The following FBXO47 variants were observed in gnomAD, a reference collection of about 807,000 sequenced individuals.
FBXO47 encodes F-box protein 47, also known as F-box only protein 47.
A neutral mutation model predicts 53.9 loss-of-function variants in FBXO47; 34 were observed. That is an observed-to-expected ratio of 0.63 (90% CI 0.48 to 0.84). The LOEUF is 0.84. Among genes scored for constraint, FBXO47 ranks in the 40% least tolerant of loss-of-function variants. FBXO47 has a pLI of 0.00. For synonymous variants in FBXO47, 165 were observed against 181.6 expected, an observed-to-expected ratio of 0.91 and a Z score of 0.73; for missense variants, 485 against 541.3, an observed-to-expected ratio of 0.90 and a Z score of 1.03.
At chr17:38,949,729 A>G (rs78523330) in intron 6 of FBXO47, among the ~76,000 whole-genome samples, 3,654 of 152,250 alleles carry the variant, frequency 0.024, 73 homozygotes, top group Middle Eastern at 0.044. Flanking sequence ...GTGAAATGGT[A>G]TATTACTATT....
chr17:38,965,753 C>T (rs1323702958), intron 1 of FBXO47, among the ~76,000 whole-genome samples: 1 of 135,972 alleles, frequency 7.4e-6, no homozygotes, highest in Non-Finnish European at 1.6e-5. Flanking sequence ...CATGGTGGCA[C>T]GCGACTGTAG....
chr17:38,966,194 A>G (rs1258342026), intron 1 of FBXO47, among the ~76,000 whole-genome samples: 1 of 152,026 alleles, frequency 6.6e-6, no homozygotes, highest in African/African-American at 2.4e-5. Context: ...TTAACTTTTC[A>G]CAGTAGGCGT....
At chr17:38,949,583 G>T (rs1905123588) in intron 6 of FBXO47, among the ~76,000 whole-genome samples, 1 of 152,144 alleles carries the variant, frequency 6.6e-6, no homozygotes, top group South Asian at 2.1e-4. Context: ...AATCATTTGA[G>T]AAACTGTCAG....
intron 6 of FBXO47, among the ~76,000 whole-genome samples, chr17:38,946,293 TA>T (rs1250829691): frequency 2.5e-4 from 22 of 87,278 alleles, no homozygotes; most frequent in East Asian, 9.9e-4. Context: ...TATAAATATA[TA>T]AAAATATATA....
At chr17:38,946,382 A>C (rs189347976) in intron 6 of FBXO47, among the ~76,000 whole-genome samples, 13,634 of 84,866 alleles carry the variant, frequency 0.16, 1,439 homozygotes, top group African/African-American at 0.3. Context: ...ATATATATAA[A>C]TATATATATC....
intron 1 of FBXO47, among the ~76,000 whole-genome samples, chr17:38,965,016 A>G (rs1598151693): frequency 6.6e-6 from 1 of 152,038 alleles, no homozygotes; most frequent in East Asian, 1.9e-4. Flanking sequence ...CACTCAGCTA[A>G]TTTCTGTATT....
chr17:38,961,811 G>A, intron 3 of FBXO47, 66 bp downstream of exon 3: 1 of 1,388,984 alleles, frequency 7.2e-7, no homozygotes, highest in East Asian at 2.3e-5. Context: ...TTACAGAATT[G>A]TATACTAAGT....
At chr17:38,964,832 A>G (rs1432501492) in intron 1 of FBXO47, among the ~76,000 whole-genome samples, 8 of 151,668 alleles carry the variant, frequency 5.3e-5, no homozygotes, top group Middle Eastern at 3.2e-3. Flanking sequence ...TTTTTTTTTT[A>G]GACAGATTAT....
intron 7 of FBXO47, 112 bp downstream of exon 7, chr17:38,944,848 A>ATGCGTGTGTGTGTGTG (rs150367922): frequency 3.2e-6 from 2 of 616,814 alleles, no homozygotes; most frequent in African/African-American, 1.9e-5. Flanking sequence ...GCGTGCATGC[A>ATGCGTGTGTGTGTGTG]TGTGTGTGTG....
At position 38,943,711 on chromosome 17, in the gene FBXO47, T is replaced by C. The variant is rs764874737; in HGVS notation, c.819A>G (p.Ile273Met). The C allele has an allele frequency of 1.9e-6, 3 of 1,608,138 alleles. No homozygotes were observed. The Admixed American group carries it at 5.2e-5, about 28-fold the overall frequency. ...GACTGAATTCATCTGTAGGTTCTTC[T>C]ATCATTTCCTGCCAAACCACCTGTC... is the stretch of plus-strand genomic sequence containing the variant. ...QDGQVVWQEM[I>M]EEPTDEFSLK... The change falls in exon 8 of 11, where the codon ATA becomes ATG. Residue 273 changes from isoleucine to methionine, a missense_variant. Physicochemically the swap from Ile to Met is conservative, Grantham distance 10. Coordinates refer to ENST00000378079, the MANE Select transcript of FBXO47 (RefSeq NM_001008777.3).
intron 2 of FBXO47, 125 bp from the exon 3 acceptor site, chr17:38,962,172 G>A (rs1905845109): frequency 6.9e-6 from 5 of 729,834 alleles, no homozygotes; most frequent in East Asian, 2.8e-5. Context: ...CATCCCTTTG[G>A]GAAAAAAGGG....
At position 38,938,574 on chromosome 17, in the gene FBXO47, A is replaced by C; in HGVS notation, c.1242T>G (p.Ser414=). 6.2e-7 allele frequency: 1 copy of C among 1,609,944 alleles called. No individual in the cohort carries two copies. Among genetic ancestry groups the C allele is most frequent in the Non-Finnish European group, 8.5e-7 (1 of 1,177,350 alleles). Residue 414 remains serine (S), a splice_region_variant and synonymous_variant, in exon 10 of 11, where the codon TCT becomes TCG. Transcript: ENST00000378079. ...TGCACCAAGTACATTCCTACTCACCAGACATAATTGATTGCAGCATTTCCA... is the reference window on the plus strand; with the variant it reads ...TGCACCAAGTACATTCCTACTCACCCGACATAATTGATTGCAGCATTTCCA... ...VIMEMLQSIM[S]GDRDEDDRSF... is the part of the protein sequence containing the mutation.
chr17:38,959,579 CAAAA>C (rs749435702), intron 3 of FBXO47, among the ~76,000 whole-genome samples: 1 of 27,852 alleles, frequency 3.6e-5, no homozygotes, highest in Non-Finnish European at 8.1e-5. Flanking sequence ...GACTCTGCCT[CAAAA>C]AAAAAAAAAA....
intron 6 of FBXO47, among the ~76,000 whole-genome samples, chr17:38,950,062 C>G (rs11869388): frequency 6.6e-6 from 1 of 151,990 alleles, no homozygotes; most frequent in Non-Finnish European, 1.5e-5. Context: ...TTTTTAAGTA[C>G]GCAATTCAGT....
At chr17:38,943,028 C>A in intron 8 of FBXO47, 108 bp from the exon 9 acceptor site, 1 of 1,017,890 alleles carries the variant, frequency 9.8e-7, no homozygotes, top group Non-Finnish European at 1.4e-6. Context: ...ACAATTAGTG[C>A]CAAGGGAAAT....
chr17:38,941,665 TGTGTGC>T (rs1904519747), intron 9 of FBXO47, among the ~76,000 whole-genome samples: 2 of 148,086 alleles, frequency 1.4e-5, no homozygotes, highest in Admixed American at 6.8e-5. Flanking sequence ...TATGTATGTG[TGTGTGC>T]GTGTGTGTGT....
At chr17:38,942,033 G>A (rs564683605) in intron 9 of FBXO47, among the ~76,000 whole-genome samples, 56 of 151,952 alleles carry the variant, frequency 3.7e-4, no homozygotes, top group Non-Finnish European at 7.2e-4. Flanking sequence ...AAATTAGAGA[G>A]AATAATATAA....
At chr17:38,963,126 C>T (rs988243333) in intron 1 of FBXO47, 75 bp from the exon 2 acceptor site, 9 of 965,076 alleles carry the variant, frequency 9.3e-6, no homozygotes, top group African/African-American at 6.7e-5. Context: ...TTTTTTTAAA[C>T]GAAGAGGTTG....
At position 38,937,135 on chromosome 17, in the gene FBXO47, C is replaced by T. The variant is rs377610296; in HGVS notation, c.*40G>A. ...AAAAAGTAGCACTCCTCTAATCATT[C>T]GTTCAGTGACGTTCTCTAAAGGCAA... On this transcript the variant is annotated 3_prime_UTR_variant, in exon 11 of 11. Transcript: ENST00000378079. The T allele has an allele frequency of 1.1e-5, 9 of 838,020 alleles. No homozygotes were observed. Among genetic ancestry groups the T allele is most frequent in the East Asian group, 5.5e-5 (2 of 36,348 alleles). 51.9% of individuals were successfully genotyped at this position (838,020 alleles called of 1,614,324 possible).
Sources: allele counts gnomAD v4.1 joint callset (sites outside exome capture counted in the v4.1 genomes callset), GRCh38; gene constraint gnomAD v4.1.1; transcripts MANE v1.5; gene names NCBI Gene and HGNC (gene_info 2026-07-23, HGNC 2026-07-21).